The following FAAH2 variants were observed in gnomAD, a reference collection of about 807,000 sequenced individuals.
The protein encoded by FAAH2 is fatty acid amide hydrolase 2, also known as fatty-acid amide hydrolase 2.
In FAAH2, 60 loss-of-function variants were observed where a neutral mutation model predicts 36.9. That is an observed-to-expected ratio of 1.63 (90% CI 1.32 to 2.02). The LOEUF (loss-of-function observed/expected upper bound fraction) is 2.02, where lower values mean the gene tolerates loss of function less well. FAAH2 is among the 30% of genes most tolerant of loss of function. The probability of loss-of-function intolerance (pLI) is 0.00; values close to 1 mark genes in which losing one functional copy is unlikely to be tolerated. For missense variants in FAAH2, 689 were observed against 397.5 expected (o/e 1.73, Z -6.23); for synonymous variants, 214 against 143.8 (o/e 1.49, Z -3.49).
intron 7 of FAAH2, among the ~76,000 whole-genome samples, chrX:57,420,335 A>G (rs758104753): frequency 4.5e-5 from 5 of 111,727 alleles, no homozygotes; most frequent in South Asian, 7.5e-4. Flanking sequence ...CATGATATTG[A>G]TTCTTCCTAC....
At chrX:57,444,904 C>T (rs1011300555) in intron 8 of FAAH2, among the ~76,000 whole-genome samples, 1 of 111,820 alleles carries the variant, frequency 8.9e-6, no homozygotes, top group South Asian at 3.7e-4. Context: ...TCTTTAAGTT[C>T]ATTAGGCTTC....
chrX:57,326,598 CTTCT>C (rs1318381807), intron 3 of FAAH2, among the ~76,000 whole-genome samples: 1 of 95,056 alleles, frequency 1.1e-5, no homozygotes, highest in African/African-American at 4.2e-5. Flanking sequence ...ATGTAACGGC[CTTCT>C]TTGTCTCTTT....
At chrX:57,264,675 T>C in the FAAH2 span, among the ~76,000 whole-genome samples, 1 of 112,719 alleles carries the variant, frequency 8.9e-6, no homozygotes, top group Non-Finnish European at 1.9e-5. Context: ...AGCCATCCCA[T>C]TACTGGGTAT....
At chrX:57,236,717 A>G in the FAAH2 span, among the ~76,000 whole-genome samples, 6 of 110,583 alleles carry the variant, frequency 5.4e-5, no homozygotes, top group African/African-American at 1.6e-4. Context: ...GTGTTTTTCT[A>G]TTGCATGATT....
the FAAH2 span, among the ~76,000 whole-genome samples, chrX:57,266,557 C>G: frequency 1.8e-5 from 2 of 112,495 alleles, no homozygotes; most frequent in East Asian, 5.6e-4. Context: ...TACTCTTGAA[C>G]TATAAAAAGA....
chrX:57,243,371 A>C, the FAAH2 span, among the ~76,000 whole-genome samples: 1 of 112,259 alleles, frequency 8.9e-6, no homozygotes, highest in African/African-American at 3.2e-5. Flanking sequence ...AGAGCAGCAC[A>C]TCTCCCAGCA....
At chrX:57,135,752 G>C in the FAAH2 span, 4 of 1,166,913 alleles carry the variant, frequency 3.4e-6, no homozygotes, top group Non-Finnish European at 4.6e-6. Flanking sequence ...ACACTGAAAG[G>C]CAACATTTTT....
the FAAH2 span, among the ~76,000 whole-genome samples, chrX:57,147,003 C>G: frequency 9.0e-6 from 1 of 111,244 alleles, no homozygotes; most frequent in Non-Finnish European, 1.9e-5. Flanking sequence ...CTATATTAGT[C>G]AGGGATATTG....
chrX:57,409,341 C>G (rs2055643821), intron 7 of FAAH2, among the ~76,000 whole-genome samples: 2 of 111,312 alleles, frequency 1.8e-5, no homozygotes, highest in Non-Finnish European at 3.8e-5. Flanking sequence ...TTATGTTCAT[C>G]TCAGATATTT....
At chrX:57,484,369 G>A (rs1464657574) in intron 10 of FAAH2, among the ~76,000 whole-genome samples, 1 of 111,095 alleles carries the variant, frequency 9.0e-6, no homozygotes, top group Non-Finnish European at 1.9e-5. Context: ...GGGGTGGCTG[G>A]GGGAACTCCT....
intron 10 of FAAH2, among the ~76,000 whole-genome samples, chrX:57,454,195 C>CAAACCTAA (rs1253222958): frequency 8.9e-6 from 1 of 111,932 alleles, no homozygotes; most frequent in Non-Finnish European, 1.9e-5. Context: ...GGTCAAAATG[C>CAAACCTAA]AAACCTAAAA....
At chrX:57,230,031 G>A in the FAAH2 span, among the ~76,000 whole-genome samples, 1 of 111,342 alleles carries the variant, frequency 9.0e-6, no homozygotes, top group Non-Finnish European at 1.9e-5. Context: ...TTATAATTAG[G>A]GATCTTATTT....
the FAAH2 span, among the ~76,000 whole-genome samples, chrX:57,196,260 T>C: frequency 9.8e-5 from 11 of 112,160 alleles, no homozygotes; most frequent in East Asian, 3.1e-3. Flanking sequence ...GTAGTTTTCC[T>C]TGTAGAGGTC....
At chrX:57,383,615 A>G (rs1313728371) in intron 7 of FAAH2, among the ~76,000 whole-genome samples, 1 of 111,841 alleles carries the variant, frequency 8.9e-6, no homozygotes, top group Non-Finnish European at 1.9e-5. Flanking sequence ...CCAACTTGCA[A>G]GGGATGTGAA....
chrX:57,164,664 A>G, the FAAH2 span, among the ~76,000 whole-genome samples: 2 of 112,681 alleles, frequency 1.8e-5, no homozygotes, highest in African/African-American at 6.4e-5. Context: ...TTAGAAATAA[A>G]CAAGTTTGAA....
intron 10 of FAAH2, among the ~76,000 whole-genome samples, chrX:57,479,489 C>T (rs5960991): frequency 0.36 from 39,899 of 109,740 alleles, 6,277 homozygotes; most frequent in Middle Eastern, 0.61. Context: ...TTTTCCTTCC[C>T]CTGCCTAATT....
At chrX:57,439,378 T>C (rs1265676071) in intron 8 of FAAH2, among the ~76,000 whole-genome samples, 3 of 112,119 alleles carry the variant, frequency 2.7e-5, no homozygotes, top group Admixed American at 9.5e-5. Context: ...TTTCATGTGT[T>C]TTTTGACTGC....
At chrX:57,418,701 C>G (rs1393269693) in intron 7 of FAAH2, among the ~76,000 whole-genome samples, 2 of 37,867 alleles carry the variant, frequency 5.3e-5, no homozygotes, top group African/African-American at 1.2e-4. Flanking sequence ...CCCTTTTATT[C>G]TTTCAAAGTA....
At chrX:57,395,059 A>C in intron 7 of FAAH2, 1 of 553,464 alleles carries the variant, frequency 1.8e-6, no homozygotes. Context: ...CATCCTTTTC[A>C]GGTGCAATAG....
Sources: allele counts gnomAD v4.1 joint callset (sites outside exome capture counted in the v4.1 genomes callset), GRCh38; gene constraint gnomAD v4.1.1; transcripts MANE v1.5; gene names NCBI Gene and HGNC (gene_info 2026-07-23, HGNC 2026-07-21).